Variants in MAPRE2 observed in about 807,000 individuals in gnomAD.
The protein encoded by MAPRE2 is microtubule associated protein RP/EB family member 2.
In MAPRE2, 13 loss-of-function variants were observed where a neutral mutation model predicts 43.2. The ratio of observed to expected loss-of-function variants is 0.30; its 90% CI spans 0.20 to 0.48. MAPRE2 has a LOEUF of 0.48. MAPRE2 is among the 20% of genes least tolerant of loss of function. The pLI is 0.99. For missense variants in MAPRE2, 161 were observed against 400.2 expected (o/e 0.40, Z 5.10); for synonymous variants, 135 against 148.8 (o/e 0.91, Z 0.68).
intron 2 of MAPRE2, among the ~76,000 whole-genome samples, chr18:35,029,328 T>C (rs1188737536): frequency 1.3e-5 from 2 of 152,226 alleles, no homozygotes; most frequent in Non-Finnish European, 2.9e-5. Flanking sequence ...CTTGACACGC[T>C]GTCGAGGAGC....
intron 3 of MAPRE2, among the ~76,000 whole-genome samples, chr18:35,097,862 A>G (rs931915380): frequency 6.6e-6 from 1 of 152,194 alleles, no homozygotes; most frequent in African/African-American, 2.4e-5. Context: ...ATTGCAGATG[A>G]GAAACTTTTA....
At chr18:35,094,441 G>T (rs1908306965) in intron 2 of MAPRE2, among the ~76,000 whole-genome samples, 1 of 152,126 alleles carries the variant, frequency 6.6e-6, no homozygotes, top group African/African-American at 2.4e-5. Flanking sequence ...ATGTGGAACT[G>T]CCATGGAGAC....
intron 1 of MAPRE2, among the ~76,000 whole-genome samples, chr18:35,063,282 T>C (rs1382207531): frequency 6.6e-6 from 1 of 151,916 alleles, no homozygotes; most frequent in African/African-American, 2.4e-5. Flanking sequence ...TTTTTTTTTG[T>C]ATTTTTAGTA....
upstream of MAPRE2, among the ~76,000 whole-genome samples, chr18:35,040,886 C>G (rs1905308737): frequency 6.6e-6 from 1 of 152,034 alleles, no homozygotes; most frequent in African/African-American, 2.4e-5. Flanking sequence ...AGCTTTTTGG[C>G]TTGTTTTTGG....
intron 2 of MAPRE2, among the ~76,000 whole-genome samples, chr18:35,096,204 GGTAGT>G (rs1485058584): frequency 6.6e-6 from 1 of 152,014 alleles, no homozygotes; most frequent in East Asian, 1.9e-4. Flanking sequence ...CAGAAGTCTT[GGTAGT>G]GTAAAGGATG....
At position 35,100,091 on chromosome 18, in the gene MAPRE2, A is replaced by G. The variant is rs530512566; in HGVS notation, c.397-1855A>G. Among the ~76,000 whole-genome samples the G allele has an allele frequency of 3.3e-5, 5 of 152,322 alleles. No homozygotes were observed. In the South Asian group the frequency reaches 8.3e-4, roughly 25 times the overall value. ...TGAGCTGTGTGCTTGTCTGAATCAC[A>G]TGCTTACACACTCACACACATTCAC... is the stretch of plus-strand genomic sequence containing the variant. On this transcript the variant is annotated intron_variant, in intron 3 of 6. Transcript: ENST00000300249.
chr18:35,022,262 T>C (rs2097042355), intron 2 of MAPRE2, among the ~76,000 whole-genome samples: 1 of 152,076 alleles, frequency 6.6e-6, no homozygotes, highest in South Asian at 2.1e-4. Context: ...TTACAAGAAG[T>C]ATAAGAAATA....
chr18:35,125,646 T>A (rs914589666), intron 4 of MAPRE2, among the ~76,000 whole-genome samples: 1 of 152,206 alleles, frequency 6.6e-6, no homozygotes, highest in Admixed American at 6.5e-5. Flanking sequence ...GAAAAGGGAA[T>A]GGACGGGCCC....
At chr18:34,977,580 G>A (rs911877020) in intron 1 of MAPRE2, among the ~76,000 whole-genome samples, 75 of 152,284 alleles carry the variant, frequency 4.9e-4, no homozygotes, top group African/African-American at 1.7e-3. Flanking sequence ...GAAGTGCAGC[G>A]CGCTGGCGCT....
At chr18:35,127,926 G>A (rs933012370) in intron 5 of MAPRE2, among the ~76,000 whole-genome samples, 5 of 152,168 alleles carry the variant, frequency 3.3e-5, no homozygotes, top group Admixed American at 6.5e-5. Flanking sequence ...AAAGCAACGG[G>A]TAGTGGAGGG....
intron 4 of MAPRE2, 51 bp downstream of exon 4, chr18:35,102,210 C>A: frequency 7.4e-7 from 1 of 1,349,720 alleles, no homozygotes; most frequent in Non-Finnish European, 1.0e-6. Context: ...GATAATGGCT[C>A]AGACCCTTCT....
chr18:35,094,490 C>T (rs1281185503), intron 2 of MAPRE2, among the ~76,000 whole-genome samples: 1 of 152,030 alleles, frequency 6.6e-6, no homozygotes, highest in Non-Finnish European at 1.5e-5. Flanking sequence ...GATCTAAGTA[C>T]ATGTATTAGG....
intron 2 of MAPRE2, among the ~76,000 whole-genome samples, chr18:35,029,873 T>C (rs1441862939): frequency 2.6e-5 from 4 of 152,236 alleles, no homozygotes; most frequent in African/African-American, 9.6e-5. Context: ...CAAATAGACA[T>C]GTCTGTATCT....
chr18:34,985,326 A>T (rs1275194821), intron 1 of MAPRE2, among the ~76,000 whole-genome samples: 1 of 37,432 alleles, frequency 2.7e-5, no homozygotes, highest in Non-Finnish European at 4.5e-5. Context: ...TTATATATAT[A>T]ATATAATATA....
chr18:35,129,969 A>G (rs1449804531), intron 5 of MAPRE2, among the ~76,000 whole-genome samples: 1 of 152,214 alleles, frequency 6.6e-6, no homozygotes. Context: ...GGTTTTTACT[A>G]GGGAATGTTG....
intron 1 of MAPRE2, among the ~76,000 whole-genome samples, chr18:35,067,938 T>C (rs1327855642): frequency 6.6e-6 from 1 of 152,184 alleles, no homozygotes; most frequent in Non-Finnish European, 1.5e-5. Flanking sequence ...AAACCTTCAA[T>C]AATGGTGTAC....
intron 4 of MAPRE2, among the ~76,000 whole-genome samples, chr18:35,106,155 G>A (rs1470416473): frequency 6.6e-6 from 1 of 152,128 alleles, no homozygotes; most frequent in Non-Finnish European, 1.5e-5. Flanking sequence ...TCACTAACAT[G>A]TAGCAGTAAT....
chr18:35,068,148 T>C (rs1029842647), intron 1 of MAPRE2, among the ~76,000 whole-genome samples: 3 of 152,218 alleles, frequency 2.0e-5, no homozygotes, highest in Non-Finnish European at 2.9e-5. Context: ...TGAGCATAAA[T>C]AGGAACTCCA....
intron 1 of MAPRE2, 159 bp downstream of exon 1, chr18:35,041,820 T>C: frequency 6.8e-7 from 1 of 1,466,436 alleles, no homozygotes; most frequent in East Asian, 2.5e-5. Flanking sequence ...CCATGTGTCA[T>C]GTTGGGTTTG....
Sources: allele counts gnomAD v4.1 joint callset (sites outside exome capture counted in the v4.1 genomes callset), GRCh38; gene constraint gnomAD v4.1.1; transcripts MANE v1.5; gene names NCBI Gene and HGNC (gene_info 2026-07-23, HGNC 2026-07-21).